Variants in STPG2 observed in about 807,000 individuals in gnomAD.
STPG2 encodes the protein sperm tail PG-rich repeat containing 2.
A neutral mutation model predicts 54.2 loss-of-function variants in STPG2; 56 were observed. The observed-to-expected ratio is 1.03, with a 90% CI of 0.83 to 1.29. The LOEUF is 1.29. Among genes scored for constraint, STPG2 ranks in the 50% most tolerant of loss-of-function variants. STPG2 has a pLI of 0.00. For synonymous variants in STPG2, 200 were observed against 181.8 expected, an observed-to-expected ratio of 1.10 and a Z score of -0.81; for missense variants, 596 against 544.9, an observed-to-expected ratio of 1.09 and a Z score of -0.93.
chr4:98,026,380 T>A, intron 5 of STPG2: 1 of 433,126 alleles, frequency 2.3e-6, no homozygotes, highest in Non-Finnish European at 4.1e-6. Flanking sequence ...TCGACATTTA[T>A]CCTCTTTGGC....
chr4:97,892,692 G>C (rs1315768240), intron 8 of STPG2, among the ~76,000 whole-genome samples: 1 of 152,258 alleles, frequency 6.6e-6, no homozygotes, highest in Non-Finnish European at 1.5e-5. Context: ...ATGTGTGTTA[G>C]GGCATGTAGA....
intron 8 of STPG2, among the ~76,000 whole-genome samples, chr4:97,887,095 C>G (rs1247684346): frequency 6.6e-6 from 1 of 152,144 alleles, no homozygotes; most frequent in Non-Finnish European, 1.5e-5. Context: ...TCTTTATAAA[C>G]TACTCAGTTT....
chr4:97,847,002 C>A (rs1578616742), intron 8 of STPG2, among the ~76,000 whole-genome samples: 2 of 152,108 alleles, frequency 1.3e-5, no homozygotes, highest in Admixed American at 6.6e-5. Context: ...ACTTCTTTTA[C>A]AATGAAACTT....
chr4:97,866,681 T>G (rs1322541464), intron 8 of STPG2, among the ~76,000 whole-genome samples: 1 of 152,010 alleles, frequency 6.6e-6, no homozygotes, highest in East Asian at 1.9e-4. Flanking sequence ...TTTTTCAACT[T>G]TCTTCTGCTC....
chr4:98,001,170 A>G (rs542345718), intron 5 of STPG2, among the ~76,000 whole-genome samples: 1 of 152,268 alleles, frequency 6.6e-6, no homozygotes, highest in Admixed American at 6.5e-5. Context: ...CAAGTTCTGA[A>G]GTAAAGTAAA....
At chr4:97,908,656 A>T (rs1731548314) in intron 8 of STPG2, among the ~76,000 whole-genome samples, 2 of 151,870 alleles carry the variant, frequency 1.3e-5, no homozygotes, top group South Asian at 4.2e-4. Flanking sequence ...AAAATGTGGC[A>T]CATATACACC....
chr4:97,536,019 G>A (rs1472079346), intron 4 of STPG2, among the ~76,000 whole-genome samples: 1 of 152,094 alleles, frequency 6.6e-6, no homozygotes, highest in South Asian at 2.1e-4. Context: ...AGGCCAGAGT[G>A]CAGTGGTTTT....
intron 9 of STPG2, among the ~76,000 whole-genome samples, chr4:97,745,654 T>A (rs959070878): frequency 1.3e-5 from 2 of 151,292 alleles, no homozygotes; most frequent in Admixed American, 1.3e-4. Context: ...ATGTGTTCTA[T>A]TAGAGTTTAG....
intron 4 of STPG2, among the ~76,000 whole-genome samples, chr4:97,507,378 T>C (rs1233654862): frequency 6.6e-6 from 1 of 152,058 alleles, no homozygotes; most frequent in Non-Finnish European, 1.5e-5. Flanking sequence ...CTTCAAAATA[T>C]ACACAGAACA....
chr4:98,108,293 T>C (rs1177255255), intron 4 of STPG2, among the ~76,000 whole-genome samples: 1 of 152,120 alleles, frequency 6.6e-6, no homozygotes, highest in African/African-American at 2.4e-5. Flanking sequence ...AGAAAATTTA[T>C]GCTATGAAAG....
intron 5 of STPG2, among the ~76,000 whole-genome samples, chr4:98,066,580 C>T (rs1737844243): frequency 7.0e-6 from 1 of 142,144 alleles, no homozygotes; most frequent in South Asian, 2.3e-4. Flanking sequence ...CAGACAGAGA[C>T]TCCATCTTTA....
intron 5 of STPG2, among the ~76,000 whole-genome samples, chr4:98,094,619 G>C (rs1044616370): frequency 6.6e-6 from 1 of 151,726 alleles, no homozygotes; most frequent in African/African-American, 2.4e-5. Context: ...CTGACCTGAA[G>C]GGTGTGTCCC....
At chr4:97,852,385 G>A (rs545282327) in intron 8 of STPG2, among the ~76,000 whole-genome samples, 37 of 152,178 alleles carry the variant, frequency 2.4e-4, no homozygotes, top group African/African-American at 8.4e-4. Flanking sequence ...AGAATTGCTG[G>A]GTTATATTTA....
intron 9 of STPG2, among the ~76,000 whole-genome samples, chr4:97,782,762 C>G (rs2149073402): frequency 6.6e-6 from 1 of 152,244 alleles, no homozygotes; most frequent in South Asian, 2.1e-4. Flanking sequence ...AGAGAGCCAT[C>G]AGAAATAATA....
intron 8 of STPG2, among the ~76,000 whole-genome samples, chr4:97,942,131 A>G (rs1346226341): frequency 2.0e-5 from 3 of 149,968 alleles, no homozygotes; most frequent in Non-Finnish European, 4.4e-5. Flanking sequence ...TTAAATATAT[A>G]TATGTGTGTA....
intron 7 of STPG2, among the ~76,000 whole-genome samples, chr4:97,945,912 A>T (rs925005714): frequency 6.6e-6 from 1 of 152,090 alleles, no homozygotes; most frequent in African/African-American, 2.4e-5. Context: ...CACAAAAATT[A>T]GCTGAGTGTG....
chr4:97,925,583 C>A (rs994167340), intron 8 of STPG2, among the ~76,000 whole-genome samples: 1 of 152,026 alleles, frequency 6.6e-6, no homozygotes, highest in Admixed American at 6.6e-5. Flanking sequence ...TAACAACAGA[C>A]CAACCAACAA....
At chr4:97,790,459 G>A (rs1726957778) in intron 9 of STPG2, among the ~76,000 whole-genome samples, 3 of 152,104 alleles carry the variant, frequency 2.0e-5, no homozygotes, top group African/African-American at 7.2e-5. Context: ...GTGTCTGCAG[G>A]TCTTTGTTCC....
intron 9 of STPG2, among the ~76,000 whole-genome samples, chr4:97,735,018 A>G (rs2149029758): frequency 1.3e-5 from 2 of 151,348 alleles, no homozygotes; most frequent in East Asian, 3.9e-4. Context: ...GCTGGCAGTG[A>G]GTTGAGATGG....
Sources: allele counts gnomAD v4.1 joint callset (sites outside exome capture counted in the v4.1 genomes callset), GRCh38; gene constraint gnomAD v4.1.1; transcripts MANE v1.5; gene names NCBI Gene and HGNC (gene_info 2026-07-23, HGNC 2026-07-21).